Variants in PTPRT observed in about 807,000 individuals in gnomAD.
PTPRT encodes protein tyrosine phosphatase receptor type T.
A neutral mutation model predicts 176.8 loss-of-function variants in PTPRT; 56 were observed. The observed-to-expected ratio is 0.32, with a 90% CI of 0.26 to 0.40. The LOEUF (loss-of-function observed/expected upper bound fraction) is 0.40. Ranked by LOEUF, PTPRT falls within the 10% of genes least tolerant of loss-of-function variation. The pLI, the probability that PTPRT is intolerant of heterozygous loss-of-function variation, is 1.00. For missense variants in PTPRT, 1,540 were observed against 1,908.2 expected (o/e 0.81, Z 3.60); for synonymous variants, 783 against 739.0 (o/e 1.06, Z -0.96).
chr20:42,937,704 T>G (rs1338114354), intron 1 of PTPRT, among the ~76,000 whole-genome samples: 2 of 152,210 alleles, frequency 1.3e-5, no homozygotes, highest in Non-Finnish European at 2.9e-5. Context: ...CCAGCTAAAA[T>G]CTGAGACATA....
intron 7 of PTPRT, among the ~76,000 whole-genome samples, chr20:42,590,447 A>G (rs1358486696): frequency 1.3e-5 from 2 of 152,176 alleles, no homozygotes; most frequent in Non-Finnish European, 2.9e-5. Flanking sequence ...GCATTGTGCA[A>G]TCTGCTTTAA....
intron 1 of PTPRT, among the ~76,000 whole-genome samples, chr20:42,913,665 G>T (rs206671): frequency 0.99 from 150,268 of 152,336 alleles, 74,124 homozygotes; most frequent in Middle Eastern, 1. Context: ...TTTCAAGATT[G>T]AATGATGAGG....
chr20:42,917,254 C>A (rs940249678), intron 1 of PTPRT, among the ~76,000 whole-genome samples: 1 of 152,030 alleles, frequency 6.6e-6, no homozygotes, highest in Non-Finnish European at 1.5e-5. Flanking sequence ...TCAGGTTTGT[C>A]AAAGATCAGA....
At chr20:42,797,610 A>G (rs1056433867) in intron 2 of PTPRT, among the ~76,000 whole-genome samples, 2 of 151,126 alleles carry the variant, frequency 1.3e-5, no homozygotes, top group Non-Finnish European at 2.9e-5. Context: ...AGATGTCCAT[A>G]TCCTAATATT....
chr20:42,339,819 A>G (rs894584206), intron 11 of PTPRT, among the ~76,000 whole-genome samples: 2 of 152,174 alleles, frequency 1.3e-5, no homozygotes, highest in African/African-American at 4.8e-5. Context: ...ATGTGGGGAA[A>G]TTTTAGAAGT....
At chr20:42,942,681 C>T (rs1299960467) in intron 1 of PTPRT, among the ~76,000 whole-genome samples, 3 of 152,154 alleles carry the variant, frequency 2.0e-5, no homozygotes, top group Non-Finnish European at 4.4e-5. Flanking sequence ...AGGCTAAGTT[C>T]AAACCCTATC....
chr20:42,524,652 G>A (rs2072237325), intron 7 of PTPRT, among the ~76,000 whole-genome samples: 1 of 152,126 alleles, frequency 6.6e-6, no homozygotes, highest in African/African-American at 2.4e-5. Flanking sequence ...TTTTGAAACT[G>A]AGAATTGGTG....
intron 7 of PTPRT, among the ~76,000 whole-genome samples, chr20:42,537,711 A>T (rs145927799): frequency 6.6e-6 from 1 of 152,308 alleles, no homozygotes; most frequent in Non-Finnish European, 1.5e-5. Context: ...GCAACAGGAG[A>T]CAGGATAGAC....
intron 2 of PTPRT, among the ~76,000 whole-genome samples, chr20:42,846,282 A>G (rs1467558604): frequency 6.6e-6 from 1 of 152,226 alleles, no homozygotes; most frequent in Non-Finnish European, 1.5e-5. Flanking sequence ...GCCGGGCTGC[A>G]GTTACAAGGC....
intron 1 of PTPRT, among the ~76,000 whole-genome samples, chr20:42,987,351 T>C (rs1297802352): frequency 6.6e-6 from 1 of 152,174 alleles, no homozygotes; most frequent in Non-Finnish European, 1.5e-5. Flanking sequence ...CGAGCCACAT[T>C]TCAAGTGCAC....
intron 1 of PTPRT, among the ~76,000 whole-genome samples, chr20:43,029,906 G>A (rs573127316): frequency 6.6e-6 from 1 of 152,348 alleles, no homozygotes; most frequent in Admixed American, 6.5e-5. Context: ...CCGAGATAGA[G>A]GCTGTTGTAT....
chr20:42,451,794 T>A (rs2070833751), intron 8 of PTPRT, among the ~76,000 whole-genome samples: 2 of 151,982 alleles, frequency 1.3e-5, no homozygotes, highest in African/African-American at 4.8e-5. Context: ...TAAGGGAGAA[T>A]GTTGGCATCA....
chr20:42,575,113 C>G (rs2073233902), intron 7 of PTPRT, among the ~76,000 whole-genome samples: 1 of 152,122 alleles, frequency 6.6e-6, no homozygotes, highest in Non-Finnish European at 1.5e-5. Context: ...TGGTGCAAAG[C>G]TGATAAAATG....
chr20:42,123,894 T>C (rs1315888350), intron 19 of PTPRT, among the ~76,000 whole-genome samples: 1 of 152,228 alleles, frequency 6.6e-6, no homozygotes, highest in East Asian at 1.9e-4. Context: ...CACACTATTC[T>C]TTCTTCATTT....
At chr20:42,151,244 C>T (rs1989118947) in intron 17 of PTPRT, among the ~76,000 whole-genome samples, 1 of 151,896 alleles carries the variant, frequency 6.6e-6, no homozygotes, top group African/African-American at 2.4e-5. Context: ...ATCAACCTAT[C>T]ATCTAGGTTT....
chr20:42,716,437 GCCATTCCAA>G (rs2076223948), intron 6 of PTPRT, among the ~76,000 whole-genome samples: 1 of 152,006 alleles, frequency 6.6e-6, no homozygotes, highest in African/African-American at 2.4e-5. Context: ...TTTAATGATC[GCCATTCCAA>G]CTGGTGTGAG....
chr20:42,145,449 G>A (rs562284261), intron 17 of PTPRT, among the ~76,000 whole-genome samples: 1 of 152,200 alleles, frequency 6.6e-6, no homozygotes, highest in East Asian at 1.9e-4. Context: ...GCAGTGAGCC[G>A]AGATCACGCC....
intron 1 of PTPRT, among the ~76,000 whole-genome samples, chr20:43,057,120 G>GGT (rs1987268409): frequency 6.6e-6 from 1 of 151,290 alleles, no homozygotes; most frequent in Non-Finnish European, 1.5e-5. Flanking sequence ...CAGGGGCTTG[G>GGT]GTGGGGAAGA....
chr20:43,113,843 GA>G (rs1369630839), intron 1 of PTPRT, among the ~76,000 whole-genome samples: 1 of 152,182 alleles, frequency 6.6e-6, no homozygotes, highest in East Asian at 1.9e-4. Context: ...TCTTGTTTAA[GA>G]AACAACAGGC....
Sources: allele counts gnomAD v4.1 joint callset (sites outside exome capture counted in the v4.1 genomes callset), GRCh38; gene constraint gnomAD v4.1.1; transcripts MANE v1.5; gene names NCBI Gene and HGNC (gene_info 2026-07-23, HGNC 2026-07-21).